ACER3: variants seen among roughly 807,000 people sequenced by gnomAD.
ACER3 encodes alkCDase 3.
In ACER3, 16 loss-of-function variants were observed where a neutral mutation model predicts 48.9. That is an observed-to-expected ratio of 0.33 (90% CI 0.22 to 0.50). The LOEUF (loss-of-function observed/expected upper bound fraction) is 0.50, where lower values mean the gene tolerates loss of function less well. Ranked by LOEUF, ACER3 falls within the 20% of genes least tolerant of loss-of-function variation. The probability of loss-of-function intolerance (pLI) is 0.98; values close to 1 mark genes in which losing one functional copy is unlikely to be tolerated. For missense variants in ACER3, 227 were observed against 326.0 expected (o/e 0.70, Z 2.34); for synonymous variants, 109 against 107.8 (o/e 1.01, Z -0.07).
At chr11:76,956,754 T>C (rs1036348672) in intron 2 of ACER3, among the ~76,000 whole-genome samples, 21 of 151,838 alleles carry the variant, frequency 1.4e-4, no homozygotes, top group African/African-American at 4.6e-4. Flanking sequence ...GTTTTTTTTT[T>C]CCTTTACATT....
chr11:76,963,388 C>T (rs1227864198), intron 3 of ACER3, among the ~76,000 whole-genome samples: 16 of 151,464 alleles, frequency 1.1e-4, no homozygotes, highest in Admixed American at 9.8e-4. Context: ...AGCTTTTCTT[C>T]TTTTGCTTAT....
chr11:76,911,137 A>G (rs1056211918), intron 1 of ACER3, among the ~76,000 whole-genome samples: 2 of 152,198 alleles, frequency 1.3e-5, no homozygotes, highest in African/African-American at 4.8e-5. Flanking sequence ...TTAAGAAAGT[A>G]AAGGAATAAA....
At chr11:76,995,914 C>T (rs1948900427) in intron 6 of ACER3, among the ~76,000 whole-genome samples, 2 of 152,276 alleles carry the variant, frequency 1.3e-5, no homozygotes, top group African/African-American at 4.8e-5. Context: ...TCTGTTTCTT[C>T]AGCTGTGATT....
chr11:76,969,437 A>G (rs577142688), intron 3 of ACER3, among the ~76,000 whole-genome samples: 2 of 152,276 alleles, frequency 1.3e-5, no homozygotes, highest in African/African-American at 4.8e-5. Context: ...CAGCCATCCC[A>G]TTATTGGGTA....
chr11:76,864,923 T>A (rs1945036794), intron 1 of ACER3, among the ~76,000 whole-genome samples: 1 of 147,808 alleles, frequency 6.8e-6, no homozygotes, highest in Non-Finnish European at 1.5e-5. Flanking sequence ...AAATTAATTT[T>A]TTTTTTTTTT....
chr11:76,932,421 A>G (rs1172719907), intron 2 of ACER3, among the ~76,000 whole-genome samples: 1 of 152,166 alleles, frequency 6.6e-6, no homozygotes, highest in Non-Finnish European at 1.5e-5. Flanking sequence ...TAATTTCACA[A>G]TCTGTTGCTC....
intron 1 of ACER3, among the ~76,000 whole-genome samples, chr11:76,913,422 G>C (rs1211478994): frequency 1.3e-5 from 2 of 152,206 alleles, no homozygotes; most frequent in African/African-American, 4.8e-5. Context: ...TCGGAATAGT[G>C]AGAGAGGACA....
chr11:76,987,275 G>A (rs529652065), intron 5 of ACER3, among the ~76,000 whole-genome samples: 295 of 152,208 alleles, frequency 1.9e-3, no homozygotes, highest in African/African-American at 6.8e-3. Context: ...GAAAAGAAAC[G>A]GTCATAAGTA....
intron 6 of ACER3, among the ~76,000 whole-genome samples, chr11:76,994,591 C>A (rs1948876447): frequency 6.6e-6 from 1 of 152,286 alleles, no homozygotes; most frequent in East Asian, 1.9e-4. Context: ...AAAGTTAAAA[C>A]AAATATAAAT....
intron 1 of ACER3, among the ~76,000 whole-genome samples, chr11:76,915,720 G>A (rs1946509126): frequency 6.6e-6 from 1 of 152,212 alleles, no homozygotes; most frequent in Non-Finnish European, 1.5e-5. Context: ...AGTTCCACAT[G>A]GCTGGGGAGA....
intron 1 of ACER3, among the ~76,000 whole-genome samples, chr11:76,885,116 G>C (rs1159316537): frequency 6.6e-6 from 1 of 151,766 alleles, no homozygotes; most frequent in Non-Finnish European, 1.5e-5. Context: ...CTTTTGGTTT[G>C]AAGTATTTAT....
chr11:76,876,074 C>G (rs959347641), intron 1 of ACER3, among the ~76,000 whole-genome samples: 6 of 152,120 alleles, frequency 3.9e-5, no homozygotes, highest in African/African-American at 1.4e-4. Flanking sequence ...GGATTACAGG[C>G]ATGAGCCACC....
chr11:76,949,771 T>C (rs1947588076), intron 2 of ACER3, among the ~76,000 whole-genome samples: 1 of 152,218 alleles, frequency 6.6e-6, no homozygotes. Flanking sequence ...AAACTTCACC[T>C]GTTCTCCAGC....
intron 1 of ACER3, among the ~76,000 whole-genome samples, chr11:76,924,540 G>T (rs1330185226): frequency 2.0e-5 from 3 of 151,642 alleles, no homozygotes; most frequent in African/African-American, 7.3e-5. Flanking sequence ...TTTGGCTTCA[G>T]ATTTCTGAAT....
chr11:76,944,175 G>A (rs1947418910), intron 2 of ACER3, among the ~76,000 whole-genome samples: 1 of 151,994 alleles, frequency 6.6e-6, no homozygotes, highest in African/African-American at 2.4e-5. Flanking sequence ...ATTGATATGT[G>A]AGGCTTTGTT....
intron 5 of ACER3, among the ~76,000 whole-genome samples, chr11:76,988,008 G>A (rs908390493): frequency 6.6e-6 from 1 of 152,194 alleles, no homozygotes; most frequent in Non-Finnish European, 1.5e-5. Context: ...GGAAGAAATG[G>A]AGCTAGCAAA....
Position 77,020,729 on chromosome 11 carries a change from A to G in ACER3, c.*402A>G. The G allele has an allele frequency of 5.9e-6, 1 of 168,746 alleles. No individual in the cohort carries two copies. Among genetic ancestry groups the G allele is most frequent in the Non-Finnish European group, 1.3e-5 (1 of 78,560 alleles). The allele number at this position is 168,746 out of a possible 1,614,324, so 10.5% of individuals were successfully genotyped here. On this transcript the variant is annotated 3_prime_UTR_variant, in exon 11 of 11. Transcript: ENST00000532485. ...ATTTGATTAAATAATGCAGTCAGCT[A>G]AGAGCCAACAAAACCCCATATCCAG...
At chr11:76,965,869 G>GA (rs879693279) in intron 3 of ACER3, among the ~76,000 whole-genome samples, 4 of 151,238 alleles carry the variant, frequency 2.6e-5, no homozygotes, top group Non-Finnish European at 5.9e-5. Flanking sequence ...AAATTGTAAA[G>GA]ACCATCAAGG....
chr11:76,932,788 T>C (rs755828029), intron 2 of ACER3, among the ~76,000 whole-genome samples: 4 of 152,212 alleles, frequency 2.6e-5, no homozygotes. Flanking sequence ...CAGAACTGTT[T>C]TCAGTGTTTC....
Sources: allele counts gnomAD v4.1 joint callset (sites outside exome capture counted in the v4.1 genomes callset), GRCh38; gene constraint gnomAD v4.1.1; transcripts MANE v1.5; gene names NCBI Gene and HGNC (gene_info 2026-07-23, HGNC 2026-07-21).